The following SPOCK3 variants were observed in gnomAD, a reference collection of about 807,000 sequenced individuals.
SPOCK3 encodes testican-3.
A neutral mutation model predicts 56.6 loss-of-function variants in SPOCK3; 30 were observed. The observed-to-expected ratio is 0.53, with a 90% CI of 0.40 to 0.72. The LOEUF is 0.72. Among genes scored for constraint, SPOCK3 ranks in the 30% least tolerant of loss-of-function variants. The probability of loss-of-function intolerance (pLI) is 0.00; values close to 1 mark genes in which losing one functional copy is unlikely to be tolerated. For synonymous variants in SPOCK3, 196 were observed against 183.3 expected (o/e 1.07, Z -0.56); for missense variants, 527 against 530.0 (o/e 0.99, Z 0.06).
At position 166,917,199 on chromosome 4, in the gene SPOCK3, T is replaced by C. The variant is rs148323325; in HGVS notation, c.351-4456A>G. ...AGAAACAAGAAATCATAAAAATAAATGGTATAACACATTGATTCTCTAAAT... is the reference window on the plus strand; with the variant it reads ...AGAAACAAGAAATCATAAAAATAAACGGTATAACACATTGATTCTCTAAAT... On this transcript the variant is annotated intron_variant, in intron 4 of 10. Transcript: ENST00000357545. Among the ~76,000 whole-genome samples, 6 of 152,308 alleles carry C rather than the reference T, an allele frequency of 3.9e-5. No individual in the cohort carries two copies. The East Asian group carries it at 1.2e-3, about 29-fold the overall frequency.
intron 7 of SPOCK3, among the ~76,000 whole-genome samples, chr4:166,777,122 T>C (rs939716105): frequency 6.6e-6 from 1 of 152,120 alleles, no homozygotes; most frequent in Non-Finnish European, 1.5e-5. Context: ...CAGGAAGAAT[T>C]AAATGAACAA....
chr4:166,894,389 T>C (rs1331333034), intron 5 of SPOCK3, among the ~76,000 whole-genome samples: 1 of 152,092 alleles, frequency 6.6e-6, no homozygotes, highest in Non-Finnish European at 1.5e-5. Context: ...GATGTGAGCA[T>C]AGGTGCTCCT....
chr4:166,876,626 C>T (rs969034904), intron 6 of SPOCK3, among the ~76,000 whole-genome samples: 4 of 152,040 alleles, frequency 2.6e-5, no homozygotes, highest in African/African-American at 9.7e-5. Context: ...TGGTGATGAA[C>T]ATGTATATAG....
At position 167,069,172 on chromosome 4, in the gene SPOCK3, G is replaced by T. The variant is rs1341291971; in HGVS notation, c.190-6635C>A. On this transcript the variant is annotated intron_variant, in intron 2 of 10. Coordinates refer to ENST00000357545, the MANE Select transcript of SPOCK3 (RefSeq NM_001040159.2). ...TCCTCCTCCCTTTGAATAGCATATG[G>T]TTTTATGACTTGCGTGACTAATAAT... Among the ~76,000 whole-genome samples the T allele has an allele frequency of 2.0e-5, 3 of 151,792 alleles. No individual in the cohort carries two copies. The East Asian group carries it at 5.8e-4, about 29-fold the overall frequency.
intron 3 of SPOCK3, among the ~76,000 whole-genome samples, chr4:167,018,832 T>A (rs1580010614): frequency 2.0e-5 from 3 of 152,116 alleles, no homozygotes; most frequent in Admixed American, 2.0e-4. Context: ...TAACTCTATC[T>A]TTGAAGGAAG....
intron 6 of SPOCK3, among the ~76,000 whole-genome samples, chr4:166,808,845 T>C (rs1018639183): frequency 5.9e-5 from 9 of 152,106 alleles, no homozygotes; most frequent in Non-Finnish European, 1.2e-4. Flanking sequence ...TGGGTTCTCA[T>C]GGATTAGGAA....
intron 3 of SPOCK3, among the ~76,000 whole-genome samples, chr4:167,050,835 C>T (rs1245971930): frequency 6.6e-6 from 1 of 152,034 alleles, no homozygotes; most frequent in Non-Finnish European, 1.5e-5. Flanking sequence ...TAGGAGATGT[C>T]TGGAAAAGTC....
At chr4:167,162,886 T>G (rs1427436701) in intron 2 of SPOCK3, among the ~76,000 whole-genome samples, 3 of 152,008 alleles carry the variant, frequency 2.0e-5, no homozygotes, top group Non-Finnish European at 4.4e-5. Flanking sequence ...GTGGAAAAAT[T>G]AAACTTTGGA....
intron 8 of SPOCK3, among the ~76,000 whole-genome samples, chr4:166,748,663 TC>T (rs1458656401): frequency 7.3e-6 from 1 of 137,374 alleles, no homozygotes; most frequent in Non-Finnish European, 1.5e-5. Context: ...AAGATCTTCT[TC>T]ACAGCAAAAG....
chr4:166,932,239 T>A (rs1307762486), intron 4 of SPOCK3, among the ~76,000 whole-genome samples: 1 of 152,186 alleles, frequency 6.6e-6, no homozygotes, highest in Non-Finnish European at 1.5e-5. Context: ...GAGTTATTAA[T>A]CAGTATTATT....
At chr4:167,083,107 T>A in intron 2 of SPOCK3, 1 of 748,306 alleles carries the variant, frequency 1.3e-6, no homozygotes, top group South Asian at 1.4e-5. Flanking sequence ...ACACAATGAA[T>A]GAGTGGTACT....
intron 3 of SPOCK3, among the ~76,000 whole-genome samples, chr4:167,008,322 T>C (rs1400048100): frequency 1.3e-5 from 2 of 152,064 alleles, no homozygotes; most frequent in Admixed American, 1.3e-4. Flanking sequence ...AATTCTTATT[T>C]TCAAATATAG....
intron 4 of SPOCK3, among the ~76,000 whole-genome samples, chr4:166,984,916 T>G (rs1746976957): frequency 6.6e-6 from 1 of 152,100 alleles, no homozygotes; most frequent in South Asian, 2.1e-4. Context: ...TGATCATGCT[T>G]TTAGTTCCTT....
intron 2 of SPOCK3, among the ~76,000 whole-genome samples, chr4:167,164,011 G>C (rs550335049): frequency 1.3e-5 from 2 of 152,004 alleles, no homozygotes; most frequent in African/African-American, 4.8e-5. Flanking sequence ...AATTTTATTT[G>C]AGGACCTGGA....
intron 2 of SPOCK3, among the ~76,000 whole-genome samples, chr4:167,195,789 C>T (rs1732887497): frequency 6.6e-6 from 1 of 152,164 alleles, no homozygotes; most frequent in African/African-American, 2.4e-5. Flanking sequence ...GAAGCTCTGC[C>T]ACCTGGGTGC....
intron 2 of SPOCK3, among the ~76,000 whole-genome samples, chr4:167,216,266 T>C (rs1450796352): frequency 6.6e-6 from 1 of 152,154 alleles, no homozygotes; most frequent in African/African-American, 2.4e-5. Context: ...CGTTTACAGA[T>C]TTTTGGAAGG....
chr4:166,809,590 A>T (rs1484479472), intron 6 of SPOCK3, among the ~76,000 whole-genome samples: 2 of 152,092 alleles, frequency 1.3e-5, no homozygotes, highest in Non-Finnish European at 2.9e-5. Flanking sequence ...TCAATGTTTG[A>T]ACTCTGGGTT....
At chr4:167,070,463 C>T (rs1021018572) in intron 2 of SPOCK3, among the ~76,000 whole-genome samples, 6 of 151,806 alleles carry the variant, frequency 4.0e-5, no homozygotes, top group Admixed American at 3.3e-4. Flanking sequence ...TAACTCTATG[C>T]TAAGGAGTTG....
chr4:167,064,941 G>C (rs151252353), intron 2 of SPOCK3, among the ~76,000 whole-genome samples: 1 of 145,422 alleles, frequency 6.9e-6, no homozygotes, highest in African/African-American at 2.6e-5. Context: ...CCACGGACAA[G>C]CTGTCATTAC....
Sources: gnomAD v4.1 joint callset for allele counts (sites outside exome capture counted in the v4.1 genomes callset) on GRCh38, gnomAD v4.1.1 for gene constraint, MANE v1.5 for transcripts, NCBI Gene and HGNC (gene_info 2026-07-23, HGNC 2026-07-21) for gene names.